The following SCMH1 variants were observed in gnomAD, a reference collection of about 807,000 sequenced individuals.
The protein encoded by SCMH1 is polycomb protein SCMH1.
Under a neutral mutation model 70.8 loss-of-function variants are expected in SCMH1, and 37 were observed. That is an observed-to-expected ratio of 0.52 (90% CI 0.40 to 0.69). The LOEUF is 0.69. Ranked by LOEUF, SCMH1 falls within the 30% of genes least tolerant of loss-of-function variation. The pLI is 0.00. For missense variants in SCMH1, 607 were observed against 827.3 expected, an observed-to-expected ratio of 0.73 and a Z score of 3.27; for synonymous variants, 292 against 307.4, an observed-to-expected ratio of 0.95 and a Z score of 0.52.
intron 1 of SCMH1, among the ~76,000 whole-genome samples, chr1:41,241,570 C>A (rs932171060): frequency 1.3e-5 from 2 of 152,288 alleles, no homozygotes; most frequent in East Asian, 1.9e-4. Context: ...CAGCCAGAAT[C>A]ACAGGCATTC....
At chr1:41,101,792 A>G (rs987294203) in intron 8 of SCMH1, among the ~76,000 whole-genome samples, 4 of 152,204 alleles carry the variant, frequency 2.6e-5, no homozygotes, top group African/African-American at 7.2e-5. Context: ...TCATACTTGG[A>G]TATTTTAAAA....
At chr1:41,078,661 A>G (rs978582008) in intron 8 of SCMH1, among the ~76,000 whole-genome samples, 3 of 152,186 alleles carry the variant, frequency 2.0e-5, no homozygotes. Flanking sequence ...GAAACAGACT[A>G]CCAAAGATAG....
At chr1:41,092,769 A>G (rs74336848) in intron 8 of SCMH1, among the ~76,000 whole-genome samples, 128,994 of 151,790 alleles carry the variant, frequency 0.85, 55,307 homozygotes, top group East Asian at 0.97. Context: ...GACACATGAA[A>G]AAATGCTCAT....
At chr1:41,086,997 C>T (rs960422759) in intron 8 of SCMH1, among the ~76,000 whole-genome samples, 1 of 150,638 alleles carries the variant, frequency 6.6e-6, no homozygotes, top group African/African-American at 2.4e-5. Context: ...CATTAAAATA[C>T]AAAGCTTCTA....
intron 6 of SCMH1, among the ~76,000 whole-genome samples, chr1:41,123,266 T>A (rs1032866283): frequency 6.6e-6 from 1 of 152,142 alleles, no homozygotes; most frequent in African/African-American, 2.4e-5. Context: ...TATAATCTAA[T>A]CATAGTCCAT....
At chr1:41,092,723 G>T (rs1484602137) in intron 8 of SCMH1, among the ~76,000 whole-genome samples, 1 of 152,162 alleles carries the variant, frequency 6.6e-6, no homozygotes, top group Non-Finnish European at 1.5e-5. Context: ...GATATGAACA[G>T]CCACTTCTCA....
chr1:41,052,581 T>C (rs1032052798), intron 10 of SCMH1, among the ~76,000 whole-genome samples: 1 of 152,240 alleles, frequency 6.6e-6, no homozygotes, highest in Non-Finnish European at 1.5e-5. Flanking sequence ...TCTCTGATCA[T>C]ATCCCCGTGA....
At chr1:41,057,193 C>T (rs1650652077) in intron 10 of SCMH1, among the ~76,000 whole-genome samples, 1 of 152,170 alleles carries the variant, frequency 6.6e-6, no homozygotes, top group Non-Finnish European at 1.5e-5. Context: ...AGTCATAGGA[C>T]TGTAGAATGC....
intron 1 of SCMH1, among the ~76,000 whole-genome samples, chr1:41,223,953 C>T (rs1364297818): frequency 6.6e-6 from 1 of 152,130 alleles, no homozygotes; most frequent in East Asian, 1.9e-4. Flanking sequence ...CAGGATGGTA[C>T]AAAAATCATC....
chr1:41,163,585 G>C (rs1646217389), intron 2 of SCMH1, among the ~76,000 whole-genome samples: 1 of 152,212 alleles, frequency 6.6e-6, no homozygotes, highest in African/African-American at 2.4e-5. Flanking sequence ...GTTATCATAA[G>C]AAGAGAAGGT....
intron 10 of SCMH1, among the ~76,000 whole-genome samples, chr1:41,058,378 G>GTTTTTTTTTTTTTTTTTTTTTGT (rs1651286022): frequency 1.2e-5 from 1 of 81,640 alleles, no homozygotes; most frequent in Non-Finnish European, 2.1e-5. Flanking sequence ...TTTCTTTCTT[G>GTTTTTTTTTTTTTTTTTTTTTGT]TTTTTTTTTT....
At chr1:41,186,303 G>A (rs1650176407) in intron 1 of SCMH1, 53 bp from the exon 2 acceptor site, 1 of 499,618 alleles carries the variant, frequency 2.0e-6, no homozygotes, top group East Asian at 3.2e-5. Context: ...TACCTGTAAA[G>A]TACTGAGATC....
intron 2 of SCMH1, among the ~76,000 whole-genome samples, chr1:41,174,743 T>C (rs1647001554): frequency 6.6e-6 from 1 of 152,242 alleles, no homozygotes; most frequent in Non-Finnish European, 1.5e-5. Flanking sequence ...TAAGCAAATA[T>C]CTTTGCTTTC....
At chr1:41,075,514 G>GA in intron 8 of SCMH1, 63 bp from the exon 9 acceptor site, 1 of 1,404,694 alleles carries the variant, frequency 7.1e-7, no homozygotes, top group Non-Finnish European at 9.9e-7. Flanking sequence ...CCAGCCAGAA[G>GA]AAAAAAAGGA....
In SCMH1 at chr1:41,225,166, C is replaced by A. The variant is rs149654732; in HGVS notation, c.-118+16893G>T. 5.8e-3 allele frequency among the ~76,000 whole-genome samples: 890 copies of A among 152,304 alleles called. 14 individuals are homozygous for A. The highest frequency in any genetic ancestry group is 0.02 in the African/African-American group (850 of 41,572). ...TAATTTCAAAATAACTTTTAACTTT[C>A]TCTCTGCACCTCCCAACACACACAG... On this transcript the variant is annotated intron_variant, in intron 1 of 14. Transcript: ENST00000337495.
At chr1:41,220,156 G>A (rs962159692) in intron 1 of SCMH1, among the ~76,000 whole-genome samples, 6 of 152,084 alleles carry the variant, frequency 3.9e-5, no homozygotes, top group Non-Finnish European at 5.9e-5. Context: ...CAGGTATTTG[G>A]GGATTGGGAC....
intron 4 of SCMH1, among the ~76,000 whole-genome samples, chr1:41,153,115 AT>A (rs1214498312): frequency 6.6e-6 from 1 of 152,226 alleles, no homozygotes; most frequent in African/African-American, 2.4e-5. Context: ...ATTACAATTT[AT>A]TATTCCATCC....
chr1:41,056,508 T>G (rs974655731), intron 10 of SCMH1, among the ~76,000 whole-genome samples: 2 of 152,168 alleles, frequency 1.3e-5, no homozygotes, highest in East Asian at 3.9e-4. Flanking sequence ...ATTAAAAAAA[T>G]TCAGAGAAAG....
At chr1:41,153,600 G>A (rs1645259123) in intron 4 of SCMH1, among the ~76,000 whole-genome samples, 1 of 152,094 alleles carries the variant, frequency 6.6e-6, no homozygotes, top group Admixed American at 6.5e-5. Flanking sequence ...AGAAACCTCA[G>A]CCCTTTTACC....
Sources: allele counts gnomAD v4.1 joint callset (sites outside exome capture counted in the v4.1 genomes callset), GRCh38; gene constraint gnomAD v4.1.1; transcripts MANE v1.5; gene names NCBI Gene and HGNC (gene_info 2026-07-23, HGNC 2026-07-21).